KDM7A: variants seen among roughly 807,000 people sequenced by gnomAD.
KDM7A encodes lysine demethylase 7A, also known as lysine-specific demethylase 7A.
A neutral mutation model predicts 114.8 loss-of-function variants in KDM7A; 28 were observed. The observed-to-expected ratio is 0.24, with a 90% CI of 0.18 to 0.33. The LOEUF (loss-of-function observed/expected upper bound fraction) is 0.33. KDM7A is among the 10% of genes least tolerant of loss of function. The pLI is 1.00. For synonymous variants in KDM7A, 423 were observed against 397.8 expected, an observed-to-expected ratio of 1.06 and a Z score of -0.75; for missense variants, 942 against 1,142.5, an observed-to-expected ratio of 0.82 and a Z score of 2.53.
intron 7 of KDM7A, among the ~76,000 whole-genome samples, chr7:140,123,530 T>A (rs1014435411): frequency 6.6e-6 from 1 of 152,126 alleles, no homozygotes; most frequent in Non-Finnish European, 1.5e-5. Context: ...GATTTCACAT[T>A]TTTTTTGGAT....
intron 12 of KDM7A, among the ~76,000 whole-genome samples, chr7:140,100,736 A>T (rs1562946146): frequency 8.2e-4 from 48 of 58,778 alleles, no homozygotes; most frequent in African/African-American, 2.6e-3. Flanking sequence ...ATATATATAT[A>T]TATATACATA....
Position 140,087,313 on chromosome 7 carries a change from A to G in KDM7A, c.*3781T>C, listed in dbSNP as rs1817943696. 6.6e-6 allele frequency: 1 copy of G among 152,176 alleles called. No homozygotes were observed. 9.4% of individuals were successfully genotyped at this position (152,176 alleles called of 1,614,324 possible). A position where few individuals can be genotyped will look rare whatever the true frequency, so the allele number is the denominator to read the frequency against. On this transcript the variant is annotated 3_prime_UTR_variant, in exon 20 of 20. Coordinates refer to ENST00000397560, the MANE Select transcript of KDM7A (RefSeq NM_030647.2). ...CCTAAAGCCATCTTTCAGTTAAATC[A>G]TCTTAACGTACTTGAGGATACACAT...
rs58266438 is a variant in KDM7A at position 140,128,560 on chromosome 7, C to A, written c.559+933G>T. On this transcript the variant is annotated intron_variant, in intron 4 of 19. Transcript: ENST00000397560. ...CTATTTGTTTTGCAGATGCTATCTA[C>A]GCAAATAGGTTCAGGTTAATCCTTA... 4.3e-3 allele frequency among the ~76,000 whole-genome samples: 653 copies of A among 152,298 alleles called. 8 individuals carry two copies. The highest frequency in any genetic ancestry group is 0.014 in the African/African-American group (594 of 41,564).
At chr7:140,117,860 T>C (rs979958994) in intron 9 of KDM7A, among the ~76,000 whole-genome samples, 4 of 152,194 alleles carry the variant, frequency 2.6e-5, no homozygotes, top group African/African-American at 9.7e-5. Flanking sequence ...ACTGGTCTTG[T>C]AAAGAAAGGA....
chr7:140,099,173 G>A (rs1215977780), intron 13 of KDM7A, 140 bp from the exon 14 acceptor site: 1 of 703,716 alleles, frequency 1.4e-6, no homozygotes, highest in African/African-American at 1.8e-5. Flanking sequence ...GCAATAGTAT[G>A]CGCTAGGGAT....
intron 14 of KDM7A, among the ~76,000 whole-genome samples, chr7:140,098,219 T>C (rs1254857292): frequency 6.6e-6 from 1 of 152,236 alleles, no homozygotes; most frequent in Non-Finnish European, 1.5e-5. Flanking sequence ...CAACATGGAT[T>C]AAATAATGTT....
intron 1 of KDM7A, among the ~76,000 whole-genome samples, chr7:140,155,755 G>C (rs976614409): frequency 6.6e-6 from 1 of 152,156 alleles, no homozygotes; most frequent in East Asian, 1.9e-4. Context: ...CAGCCCACAT[G>C]GCACAGAAGA....
intron 8 of KDM7A, 110 bp downstream of exon 8, chr7:140,120,332 T>C (rs777887080): frequency 4.0e-5 from 26 of 647,896 alleles, no homozygotes; most frequent in Non-Finnish European, 7.1e-5. Flanking sequence ...TCAGGGACTA[T>C]TTCCATGGAA....
chr7:140,099,169 G>A (rs1818161733), intron 13 of KDM7A, 136 bp from the exon 14 acceptor site: 1 of 714,746 alleles, frequency 1.4e-6, no homozygotes, highest in African/African-American at 1.8e-5. Context: ...CTGTGCAATA[G>A]TATGCGCTAG....
At chr7:140,091,711 A>T in intron 19 of KDM7A, 93 bp downstream of exon 19, 2 of 1,385,664 alleles carry the variant, frequency 1.4e-6, no homozygotes, top group Non-Finnish European at 2.0e-6. Context: ...TGAGATGTTG[A>T]ACAACTTGAG....
intron 1 of KDM7A, among the ~76,000 whole-genome samples, chr7:140,171,507 A>ATATATATTTATAAATAGATATTTATT (rs1794638559): frequency 7.2e-6 from 1 of 139,542 alleles, no homozygotes; most frequent in African/African-American, 2.7e-5. Context: ...TACATATTTT[A>ATATATATTTATAAATAGATATTTATT]TATATATTTA....
intron 1 of KDM7A, among the ~76,000 whole-genome samples, chr7:140,174,904 C>T (rs771171668): frequency 2.6e-5 from 4 of 152,058 alleles, no homozygotes; most frequent in Non-Finnish European, 4.4e-5. Context: ...CGTGAGCCAC[C>T]AAGCCTGGCG....
chr7:140,147,308 A>T (rs775007449), intron 1 of KDM7A, among the ~76,000 whole-genome samples: 1 of 152,208 alleles, frequency 6.6e-6, no homozygotes, highest in Admixed American at 6.5e-5. Context: ...ACTGTGCTGC[A>T]AACTTACTTG....
intron 9 of KDM7A, among the ~76,000 whole-genome samples, chr7:140,113,823 T>G (rs2116776154): frequency 6.6e-6 from 1 of 152,306 alleles, no homozygotes; most frequent in African/African-American, 2.4e-5. Context: ...TTTAATTTTT[T>G]TGTGTAGAGA....
At chr7:140,107,859 A>G (rs4512307) in intron 11 of KDM7A, among the ~76,000 whole-genome samples, 1 of 152,044 alleles carries the variant, frequency 6.6e-6, no homozygotes, top group Non-Finnish European at 1.5e-5. Flanking sequence ...TAATATCCTG[A>G]AGAGTGTTTT....
chr7:140,159,958 A>C (rs975694612), intron 1 of KDM7A, among the ~76,000 whole-genome samples: 7 of 151,666 alleles, frequency 4.6e-5, no homozygotes, highest in Non-Finnish European at 8.8e-5. Context: ...AAAAAAAAAA[A>C]AAAAAAACCT....
rs1355975700 is a variant in KDM7A at position 140,086,542 on chromosome 7, G to C, written c.*4552C>G. 3 of 152,104 alleles carry C rather than the reference G, an allele frequency of 2.0e-5. No homozygotes were observed. Among genetic ancestry groups the C allele is most frequent in the African/African-American group, 7.2e-5 (3 of 41,498 alleles). 9.4% of individuals were successfully genotyped at this position (152,104 alleles called of 1,614,324 possible). On this transcript the variant is annotated 3_prime_UTR_variant, in exon 20 of 20. Coordinates refer to ENST00000397560, the MANE Select transcript of KDM7A (RefSeq NM_030647.2). ...ACTTTACAGCATGAAAAAGAGGGAA[G>C]GGCTTCTAGGAAGGCTACAGTATTA...
chr7:140,128,866 T>C (rs1439695527), intron 4 of KDM7A, among the ~76,000 whole-genome samples: 1 of 152,226 alleles, frequency 6.6e-6, no homozygotes, highest in Non-Finnish European at 1.5e-5. Context: ...TCACGAGAAT[T>C]AATGAAATGA....
In KDM7A at chr7:140,126,961, CAT is replaced by C. The variant is rs138481176; in HGVS notation, c.702-140_702-139del. 5.7e-4 allele frequency: 390 copies of C among 684,956 alleles called. 2 individuals carry two copies. Among genetic ancestry groups the C allele is most frequent in the African/African-American group, 3.3e-3 (182 of 54,980 alleles). The allele number at this position is 684,956 out of a possible 1,614,324, so 42.4% of individuals were successfully genotyped here. A position where few individuals can be genotyped will look rare whatever the true frequency, so the allele number is the denominator to read the frequency against. ...CAACAACACTTAAAAGTTTAAAACACATGTTTGTTTGTTTTTGAGACAGAGTC... is the reference window on the plus strand; with the variant it reads ...CAACAACACTTAAAAGTTTAAAACACGTTTGTTTGTTTTTGAGACAGAGTC... On this transcript the variant is annotated intron_variant, in intron 5 of 19. Coordinates refer to ENST00000397560, the MANE Select transcript of KDM7A (RefSeq NM_030647.2).
Sources: gnomAD v4.1 joint callset for allele counts (sites outside exome capture counted in the v4.1 genomes callset) on GRCh38, gnomAD v4.1.1 for gene constraint, MANE v1.5 for transcripts, NCBI Gene and HGNC (gene_info 2026-07-23, HGNC 2026-07-21) for gene names.